PPP3R1: variants seen among roughly 807,000 people sequenced by gnomAD.
PPP3R1 encodes the protein protein phosphatase 3 regulatory subunit B, alpha.
PPP3R1 carries 5 observed loss-of-function variants against 22.6 expected under a neutral mutation model. That is an observed-to-expected ratio of 0.22 (90% CI 0.12 to 0.46). The LOEUF (loss-of-function observed/expected upper bound fraction) is 0.46. PPP3R1 is among the 20% of genes least tolerant of loss of function. The pLI, the probability that PPP3R1 is intolerant of heterozygous loss-of-function variation, is 0.99. For synonymous variants in PPP3R1, 56 were observed against 65.2 expected (o/e 0.86, Z 0.68); for missense variants, 61 against 203.2 (o/e 0.30, Z 4.25).
At chr2:68,202,406 TTTGTTGTTGTTGTTGTTG>T (rs71906115) in intron 2 of PPP3R1, among the ~76,000 whole-genome samples, 1 of 146,126 alleles carries the variant, frequency 6.8e-6, no homozygotes, top group Non-Finnish European at 1.5e-5. Context: ...TTTTTCGTTT[TTTGTTGTTGTTGTTGTTG>T]TTGTTGTTGT....
chr2:68,195,873 G>A (rs1053719876), intron 2 of PPP3R1, among the ~76,000 whole-genome samples: 3 of 151,376 alleles, frequency 2.0e-5, no homozygotes, highest in African/African-American at 7.3e-5. Context: ...CTCCTATGCG[G>A]CCTTTCCAAC....
intron 1 of PPP3R1, among the ~76,000 whole-genome samples, chr2:68,232,148 T>TCACACACACACACAC (rs1669921358): frequency 6.0e-5 from 2 of 33,200 alleles, no homozygotes; most frequent in African/African-American, 2.3e-4. Flanking sequence ...CATATATATG[T>TCACACACACACACAC]ATATATATAT....
At chr2:68,250,174 G>C (rs1477034495) in intron 1 of PPP3R1, among the ~76,000 whole-genome samples, 5 of 151,736 alleles carry the variant, frequency 3.3e-5, no homozygotes, top group Non-Finnish European at 5.9e-5. Flanking sequence ...CCCAACAGTT[G>C]AATTAGGAAA....
At chr2:68,247,880 A>T (rs574410622) in intron 1 of PPP3R1, among the ~76,000 whole-genome samples, 9 of 152,304 alleles carry the variant, frequency 5.9e-5, no homozygotes, top group Non-Finnish European at 1.0e-4. Context: ...TCTCATATAA[A>T]TTACTATAAT....
At chr2:68,231,365 C>CT (rs796567085) in intron 1 of PPP3R1, among the ~76,000 whole-genome samples, 33 of 149,414 alleles carry the variant, frequency 2.2e-4, no homozygotes, top group Non-Finnish European at 2.8e-4. Context: ...AGTTTTCTTT[C>CT]TTTTTTTTTT....
intron 2 of PPP3R1, among the ~76,000 whole-genome samples, chr2:68,196,216 C>A (rs1273674257): frequency 6.6e-6 from 1 of 152,132 alleles, no homozygotes; most frequent in Admixed American, 6.6e-5. Context: ...AGTTTTTCAA[C>A]ATAAAGATTA....
At chr2:68,243,887 T>C (rs1670180168) in intron 1 of PPP3R1, among the ~76,000 whole-genome samples, 4 of 151,660 alleles carry the variant, frequency 2.6e-5, no homozygotes, top group Admixed American at 2.6e-4. Flanking sequence ...ATAAAATCCA[T>C]ATGTTGCCAC....
chr2:68,218,419 T>C (rs954774536), intron 1 of PPP3R1, among the ~76,000 whole-genome samples: 3 of 152,176 alleles, frequency 2.0e-5, no homozygotes, highest in East Asian at 1.9e-4. Flanking sequence ...TTTCCAGAAC[T>C]GGTTAATTTA....
At chr2:68,227,773 T>C (rs1163479858) in intron 1 of PPP3R1, among the ~76,000 whole-genome samples, 1 of 143,976 alleles carries the variant, frequency 6.9e-6, no homozygotes, top group South Asian at 2.1e-4. Flanking sequence ...CATTCCTGTT[T>C]TTCCTTCTAC....
At chr2:68,230,550 A>G (rs1014994784) in intron 1 of PPP3R1, among the ~76,000 whole-genome samples, 7 of 152,278 alleles carry the variant, frequency 4.6e-5, no homozygotes, top group Admixed American at 2.6e-4. Context: ...ACACTCAAAC[A>G]TAATTTAAAA....
intron 1 of PPP3R1, among the ~76,000 whole-genome samples, chr2:68,231,074 A>G (rs994857307): frequency 2.6e-5 from 4 of 152,066 alleles, no homozygotes; most frequent in Non-Finnish European, 4.4e-5. Context: ...TACTTTTTCA[A>G]TCCTGCCCTC....
intron 2 of PPP3R1, among the ~76,000 whole-genome samples, chr2:68,191,073 A>C (rs1674656994): frequency 6.6e-6 from 1 of 152,218 alleles, no homozygotes; most frequent in African/African-American, 2.4e-5. Flanking sequence ...TCTAGAACAC[A>C]TGTATCAGAA....
At chr2:68,224,902 AG>A (rs1213576732) in intron 1 of PPP3R1, among the ~76,000 whole-genome samples, 2 of 152,344 alleles carry the variant, frequency 1.3e-5, no homozygotes, top group Non-Finnish European at 1.5e-5. Context: ...TCACAACAAA[AG>A]ATATGATTAA....
At chr2:68,188,431 CTTT>C (rs11343435) in intron 3 of PPP3R1, 80 bp downstream of exon 3, 3,799 of 950,216 alleles carry the variant, frequency 4.0e-3, no homozygotes, top group South Asian at 6.3e-3. Flanking sequence ...AATATAAGCA[CTTT>C]TTTTTTTTTT....
intron 5 of PPP3R1, among the ~76,000 whole-genome samples, chr2:68,182,496 G>T (rs1036976099): frequency 2.0e-5 from 3 of 151,622 alleles, no homozygotes; most frequent in South Asian, 2.1e-4. Context: ...CATTCCAATG[G>T]CTTTATCTTT....
intron 3 of PPP3R1, 57 bp downstream of exon 3, chr2:68,188,457 G>C: frequency 2.4e-6 from 3 of 1,248,176 alleles, no homozygotes; most frequent in East Asian, 2.5e-5. Context: ...ACACAGAGCT[G>C]TAAGAATACA....
chr2:68,252,271 C>G lies in PPP3R1; in HGVS notation c.-144G>C, dbSNP rs1670383741. On this transcript the variant is annotated 5_prime_UTR_variant, in exon 1 of 6. Transcript: ENST00000234310. ...GGGGGCGCGCGTGGGGGAGGGGAGG[C>G]GGCGCCGCGGGGCCCGCGCCGGCCG... 9.6e-7 allele frequency: 1 copy of G among 1,039,570 alleles called. No individual in the cohort carries two copies. Among genetic ancestry groups the G allele is most frequent in the Non-Finnish European group, 1.2e-6 (1 of 868,152 alleles). The allele number at this position is 1,039,570 out of a possible 1,614,324, so 64.4% of individuals were successfully genotyped here.
intron 1 of PPP3R1, among the ~76,000 whole-genome samples, chr2:68,249,624 A>G (rs974928157): frequency 4.0e-5 from 6 of 151,862 alleles, no homozygotes; most frequent in South Asian, 4.2e-4. Flanking sequence ...GGAGCTCACT[A>G]TTTACAAGAT....
chr2:68,197,483 T>A lies in PPP3R1; in HGVS notation c.44-8793A>T, dbSNP rs982500228. Among the ~76,000 whole-genome samples, 9 of 148,598 alleles carry A rather than the reference T, an allele frequency of 6.1e-5. 1 individual carries two copies. The highest frequency in any genetic ancestry group is 6.0e-4 in the Admixed American group (9 of 15,084). On this transcript the variant is annotated intron_variant, in intron 2 of 5. Transcript: ENST00000234310. ...CTATAAATATTAATGTGTATTTCTG[T>A]AAACAAACGTTTTCCTGGAATTGCT...
Sources: gnomAD v4.1 joint callset for allele counts (sites outside exome capture counted in the v4.1 genomes callset) on GRCh38, gnomAD v4.1.1 for gene constraint, MANE v1.5 for transcripts, NCBI Gene and HGNC (gene_info 2026-07-23, HGNC 2026-07-21) for gene names.